NRXN1: variants seen among roughly 807,000 people sequenced by gnomAD.
NRXN1 encodes neurexin-1.
A neutral mutation model predicts 150.9 loss-of-function variants in NRXN1; 39 were observed. The ratio of observed to expected loss-of-function variants is 0.26; its 90% confidence interval spans 0.20 to 0.34. NRXN1 has a LOEUF of 0.34. NRXN1 is among the 10% of genes least tolerant of loss of function. NRXN1 has a pLI of 1.00. For missense variants in NRXN1, 1,815 were observed against 1,949.9 expected, an observed-to-expected ratio of 0.93 and a Z score of 1.30; for synonymous variants, 924 against 757.0, an observed-to-expected ratio of 1.22 and a Z score of -3.62.
At chr2:50,114,495 T>C (rs771733459) in intron 18 of NRXN1, among the ~76,000 whole-genome samples, 4 of 152,194 alleles carry the variant, frequency 2.6e-5, no homozygotes, top group African/African-American at 7.2e-5. Flanking sequence ...ATTCAGCAAC[T>C]GAACTCCTTG....
At chr2:49,925,281 C>CAAAAAAAAA (rs772838099) in intron 22 of NRXN1, among the ~76,000 whole-genome samples, 1 of 80,960 alleles carries the variant, frequency 1.2e-5, no homozygotes, top group African/African-American at 4.4e-5. Flanking sequence ...CTGCCTCAAC[C>CAAAAAAAAA]AAAAAAAAAA....
intron 21 of NRXN1, among the ~76,000 whole-genome samples, chr2:50,033,307 C>T (rs1353184926): frequency 1.2e-4 from 18 of 151,940 alleles, no homozygotes; most frequent in Admixed American, 9.9e-4. Flanking sequence ...GAACAGAGAG[C>T]CCAGAAATAA....
At position 50,150,709 on chromosome 2, in the gene NRXN1, G is replaced by A. The variant is rs539005057; in HGVS notation, c.3547-59215C>T. 3.3e-5 allele frequency among the ~76,000 whole-genome samples: 5 copies of A among 151,666 alleles called. No homozygotes were observed. In the South Asian group the frequency reaches 8.3e-4, roughly 25 times the overall value. On this transcript the variant is annotated intron_variant, in intron 18 of 22. Transcript: ENST00000401669. ...ACTCAGTATCACATTTATCTTCTGCGATTTATAAAACTATACCTCCTTTTA... is the reference window on the plus strand; with the variant it reads ...ACTCAGTATCACATTTATCTTCTGCAATTTATAAAACTATACCTCCTTTTA...
chr2:50,949,446 ATAT>A (rs577989395), intron 2 of NRXN1, among the ~76,000 whole-genome samples: 1 of 152,080 alleles, frequency 6.6e-6, no homozygotes, highest in South Asian at 2.1e-4. Flanking sequence ...CTCTTTAAAA[ATAT>A]TATTAATAAA....
chr2:50,870,017 T>G (rs1357597699), intron 5 of NRXN1, among the ~76,000 whole-genome samples: 2 of 151,928 alleles, frequency 1.3e-5, no homozygotes, highest in Non-Finnish European at 2.9e-5. Flanking sequence ...TATTAGAAAC[T>G]GTCATTTCTA....
chr2:49,995,261 T>C (rs1429585872), intron 21 of NRXN1, among the ~76,000 whole-genome samples: 7 of 152,204 alleles, frequency 4.6e-5, no homozygotes, highest in South Asian at 2.1e-4. Flanking sequence ...GAATAACTAA[T>C]TGAAATGAAT....
At chr2:50,470,634 C>G (rs2089368077) in intron 16 of NRXN1, among the ~76,000 whole-genome samples, 1 of 151,842 alleles carries the variant, frequency 6.6e-6, no homozygotes, top group African/African-American at 2.4e-5. Flanking sequence ...ATTCAAATTT[C>G]TTTCTTCTTC....
rs972631793 is a variant in NRXN1 at position 50,020,051 on chromosome 2, T to C, written c.4128+33220A>G. On this transcript the variant is annotated intron_variant, in intron 21 of 22. Coordinates refer to ENST00000401669, the MANE Select transcript of NRXN1 (RefSeq NM_001330078.2). The stretch of plus-strand genomic sequence containing the variant: ...TTTCAGAGGAGCATGTAGTGCACTA[T>C]TGAAGCTCAGGTTTATCTTAATAGG... Among the ~76,000 whole-genome samples the C allele has an allele frequency of 4.6e-5, 7 of 150,910 alleles. No individual in the cohort carries two copies. In the East Asian group the frequency reaches 9.8e-4, roughly 21 times the overall value.
intron 17 of NRXN1, among the ~76,000 whole-genome samples, chr2:50,446,081 AT>A (rs1558745018): frequency 6.6e-6 from 1 of 152,020 alleles, no homozygotes; most frequent in African/African-American, 2.4e-5. Context: ...ACCAACTCAT[AT>A]TGCTCACTAA....
At chr2:50,362,911 G>C (rs939045897) in intron 17 of NRXN1, among the ~76,000 whole-genome samples, 6 of 152,070 alleles carry the variant, frequency 3.9e-5, no homozygotes, top group Non-Finnish European at 5.9e-5. Flanking sequence ...CAATGGAATA[G>C]AATAGAGGCC....
At chr2:50,983,563 A>C (rs1697183145) in intron 2 of NRXN1, among the ~76,000 whole-genome samples, 1 of 152,144 alleles carries the variant, frequency 6.6e-6, no homozygotes, top group Non-Finnish European at 1.5e-5. Context: ...CAGTTAACAA[A>C]TTGTCAGTAA....
At chr2:50,920,795 CA>C in intron 5 of NRXN1, among the ~76,000 whole-genome samples, 2 of 151,804 alleles carry the variant, frequency 1.3e-5, no homozygotes, top group South Asian at 4.2e-4. Flanking sequence ...CTGCCAAAAC[CA>C]AAACTGTGAT....
intron 21 of NRXN1, among the ~76,000 whole-genome samples, chr2:50,005,505 T>C (rs1463321611): frequency 6.6e-6 from 1 of 152,158 alleles, no homozygotes; most frequent in Non-Finnish European, 1.5e-5. Flanking sequence ...TTACTCACAG[T>C]TGTCCAAAGC....
rs577803919 is a variant in NRXN1, at chr2:50,035,168, A to G, written c.4128+18103T>C. Reference sequence around the variant, plus strand: ...AGGCTAGATATGGGGACATCTAATAAAAAGTTTGAATAATTTCAAAACATA... The same window carrying G: ...AGGCTAGATATGGGGACATCTAATAGAAAGTTTGAATAATTTCAAAACATA... On this transcript the variant is annotated intron_variant, in intron 21 of 22. Transcript: ENST00000401669. Among the ~76,000 whole-genome samples the G allele has an allele frequency of 3.9e-5, 6 of 152,278 alleles. No homozygotes were observed. The East Asian group carries it at 1.2e-3, about 29-fold the overall frequency.
chr2:50,477,323 T>C (rs1357769151), intron 15 of NRXN1, among the ~76,000 whole-genome samples: 1 of 152,132 alleles, frequency 6.6e-6, no homozygotes, highest in South Asian at 2.1e-4. Context: ...ACTAGGGAAT[T>C]TGAAGCAGTA....
intron 17 of NRXN1, among the ~76,000 whole-genome samples, chr2:50,334,460 C>G (rs2077053958): frequency 6.6e-6 from 1 of 152,130 alleles, no homozygotes; most frequent in African/African-American, 2.4e-5. Context: ...TTCAGAGCTT[C>G]TCTAAAAGCC....
At chr2:50,104,696 T>C (rs1364869754) in intron 18 of NRXN1, among the ~76,000 whole-genome samples, 1 of 152,044 alleles carries the variant, frequency 6.6e-6, no homozygotes, top group East Asian at 1.9e-4. Flanking sequence ...AAGCTTGTCC[T>C]AAATCACATG....
At chr2:50,202,000 CTGAG>C (rs778245876) in intron 18 of NRXN1, among the ~76,000 whole-genome samples, 12 of 152,182 alleles carry the variant, frequency 7.9e-5, no homozygotes, top group Non-Finnish European at 1.8e-4. Flanking sequence ...TACATTGTTA[CTGAG>C]TATCTCTCCT....
intron 21 of NRXN1, among the ~76,000 whole-genome samples, chr2:49,998,036 C>A (rs907288222): frequency 6.6e-6 from 1 of 152,120 alleles, no homozygotes; most frequent in Non-Finnish European, 1.5e-5. Context: ...AGTGGGATGA[C>A]CTTTCCCAAC....
Sources: gnomAD v4.1 joint callset for allele counts (sites outside exome capture counted in the v4.1 genomes callset) on GRCh38, gnomAD v4.1.1 for gene constraint, MANE v1.5 for transcripts, NCBI Gene and HGNC (gene_info 2026-07-23, HGNC 2026-07-21) for gene names.